Variants in CCDC178 observed in about 807,000 individuals in gnomAD.
CCDC178 encodes coiled-coil domain-containing protein 178.
In CCDC178, 126 loss-of-function variants were observed where a neutral mutation model predicts 117.4. The ratio of observed to expected loss-of-function variants is 1.07; its 90% CI spans 0.93 to 1.24. The LOEUF (loss-of-function observed/expected upper bound fraction) is 1.24. Ranked by LOEUF, CCDC178 falls within the 50% of genes most tolerant of loss-of-function variation. The probability of loss-of-function intolerance (pLI) is 0.00; values close to 1 mark genes in which losing one functional copy is unlikely to be tolerated. For synonymous variants in CCDC178, 283 were observed against 313.4 expected (o/e 0.90, Z 1.02); for missense variants, 1,030 against 986.9 (o/e 1.04, Z -0.59).
At chr18:33,187,659 T>C (rs891700886) in intron 20 of CCDC178, among the ~76,000 whole-genome samples, 1 of 152,254 alleles carries the variant, frequency 6.6e-6, no homozygotes, top group African/African-American at 2.4e-5. Context: ...CCTAAAGATA[T>C]TGGTTTATGG....
chr18:33,404,795 T>C (rs2063758828), intron 3 of CCDC178, among the ~76,000 whole-genome samples: 1 of 152,042 alleles, frequency 6.6e-6, no homozygotes, highest in Non-Finnish European at 1.5e-5. Flanking sequence ...GAATTAAATA[T>C]GAATACATTT....
chr18:32,995,966 C>T (rs1807302568), intron 21 of CCDC178, among the ~76,000 whole-genome samples: 1 of 139,176 alleles, frequency 7.2e-6, no homozygotes, highest in African/African-American at 2.6e-5. Context: ...TCTATATTTA[C>T]ATATATATAT....
At chr18:32,971,460 TG>T (rs2054924202) in intron 22 of CCDC178, among the ~76,000 whole-genome samples, 1 of 152,212 alleles carries the variant, frequency 6.6e-6, no homozygotes, top group Non-Finnish European at 1.5e-5. Flanking sequence ...TCTTTGCTAT[TG>T]TAAATAGTGC....
intron 21 of CCDC178, among the ~76,000 whole-genome samples, chr18:33,041,426 T>A (rs942109237): frequency 4.0e-5 from 6 of 150,488 alleles, no homozygotes; most frequent in Non-Finnish European, 8.9e-5. Context: ...TTTTATATAA[T>A]GTATAATATA....
intron 20 of CCDC178, among the ~76,000 whole-genome samples, chr18:33,157,741 T>G (rs1002759581): frequency 5.3e-5 from 8 of 152,182 alleles, no homozygotes; most frequent in Admixed American, 3.9e-4. Flanking sequence ...TTATGGCTTT[T>G]TAGGCATTTC....
At chr18:33,129,440 G>T (rs184444591) in intron 20 of CCDC178, among the ~76,000 whole-genome samples, 22 of 152,076 alleles carry the variant, frequency 1.4e-4, no homozygotes, top group Admixed American at 1.2e-3. Context: ...CTCCAGCACT[G>T]TACAGCAAAT....
chr18:33,293,387 T>A (rs2062062967), intron 11 of CCDC178, 75 bp from the exon 12 acceptor site: 2 of 925,974 alleles, frequency 2.2e-6, no homozygotes, highest in Non-Finnish European at 3.1e-6. Context: ...TAGGCCAGGC[T>A]TGGTGGCTCA....
At chr18:33,199,073 T>C (rs1028652305) in intron 20 of CCDC178, among the ~76,000 whole-genome samples, 18 of 152,050 alleles carry the variant, frequency 1.2e-4, no homozygotes, top group Non-Finnish European at 2.5e-4. Flanking sequence ...CATTTCTCGG[T>C]AAACAAGCTT....
Position 33,312,085 on chromosome 18 carries a change from T to C in CCDC178, c.1022+11406A>G, listed in dbSNP as rs73421834. Among the ~76,000 whole-genome samples the C allele has an allele frequency of 8.9e-3, 1,357 of 152,238 alleles. 14 individuals are homozygous for C. The highest frequency in any genetic ancestry group is 0.031 in the African/African-American group (1,276 of 41,514). ...CTGTTAAGAAACTAAATGGAAAATA[T>C]CAATTTGTACAAGATTTTAAGGCAA... On this transcript the variant is annotated intron_variant, in intron 11 of 22. Coordinates refer to ENST00000383096, the MANE Select transcript of CCDC178 (RefSeq NM_001105528.4).
intron 8 of CCDC178, among the ~76,000 whole-genome samples, chr18:33,347,811 C>T (rs6507016): frequency 0.43 from 65,293 of 151,698 alleles, 15,565 homozygotes; most frequent in African/African-American, 0.65. Flanking sequence ...AAACAAATGC[C>T]GTATAGGTAA....
At chr18:33,293,815 T>C (rs2062069683) in intron 11 of CCDC178, among the ~76,000 whole-genome samples, 1 of 152,148 alleles carries the variant, frequency 6.6e-6, no homozygotes, top group Non-Finnish European at 1.5e-5. Flanking sequence ...AAAAAAGTCA[T>C]CAATAGTATT....
At chr18:33,245,540 G>T in intron 14 of CCDC178, 112 bp from the exon 15 acceptor site, 1 of 1,135,472 alleles carries the variant, frequency 8.8e-7, no homozygotes, top group Non-Finnish European at 1.1e-6. Flanking sequence ...ATACAAAATT[G>T]CTGGATAATT....
intron 2 of CCDC178, among the ~76,000 whole-genome samples, chr18:33,426,429 A>C (rs1262604389): frequency 6.6e-6 from 1 of 152,184 alleles, no homozygotes; most frequent in Admixed American, 6.5e-5. Flanking sequence ...AATAGCAAGG[A>C]ATTTTTTCAA....
At position 32,948,477 on chromosome 18, in the gene CCDC178, C is replaced by A. The variant is rs867144958; in HGVS notation, c.2524-10386G>T. ...TCTTCTTAGTTTCAACATCCAATCACTGTTAGCACATTGATGCTATATTAT... is the reference window on the plus strand; with the variant it reads ...TCTTCTTAGTTTCAACATCCAATCAATGTTAGCACATTGATGCTATATTAT... On this transcript the variant is annotated intron_variant, in intron 22 of 22. Coordinates refer to ENST00000383096, the MANE Select transcript of CCDC178 (RefSeq NM_001105528.4). Among the ~76,000 whole-genome samples, 41 of 152,198 alleles carry A rather than the reference C, an allele frequency of 2.7e-4. No individual in the cohort carries two copies. The Middle Eastern group carries it at 0.024, about 88-fold the overall frequency.
At chr18:33,274,739 A>T (rs1004410139) in intron 12 of CCDC178, among the ~76,000 whole-genome samples, 8 of 152,036 alleles carry the variant, frequency 5.3e-5, no homozygotes, top group African/African-American at 9.7e-5. Flanking sequence ...CAATGGGAAA[A>T]AAATGAAAAA....
intron 19 of CCDC178, among the ~76,000 whole-genome samples, chr18:33,212,660 T>C (rs1390710480): frequency 6.6e-6 from 1 of 152,010 alleles, no homozygotes; most frequent in Non-Finnish European, 1.5e-5. Flanking sequence ...ATGCTTCCTG[T>C]TACATAAGAT....
chr18:33,119,862 A>T (rs2144206368), intron 20 of CCDC178, among the ~76,000 whole-genome samples: 1 of 152,320 alleles, frequency 6.6e-6, no homozygotes, highest in African/African-American at 2.4e-5. Context: ...GCCATAAAAA[A>T]GGATGAATTC....
At chr18:33,320,741 T>G (rs2062496974) in intron 11 of CCDC178, among the ~76,000 whole-genome samples, 1 of 152,130 alleles carries the variant, frequency 6.6e-6, no homozygotes, top group Non-Finnish European at 1.5e-5. Flanking sequence ...AAAAACTACT[T>G]TAAAGTTCAT....
chr18:33,071,840 G>A (rs888113373), intron 21 of CCDC178, among the ~76,000 whole-genome samples: 1 of 152,166 alleles, frequency 6.6e-6, no homozygotes, highest in African/African-American at 2.4e-5. Flanking sequence ...ATAATTTGCA[G>A]TAAGTAATTT....
Sources: allele counts gnomAD v4.1 joint callset (sites outside exome capture counted in the v4.1 genomes callset), GRCh38; gene constraint gnomAD v4.1.1; transcripts MANE v1.5; gene names NCBI Gene and HGNC (gene_info 2026-07-23, HGNC 2026-07-21).